STK39: variants seen among roughly 807,000 people sequenced by gnomAD.
STK39 encodes serine/threonine kinase 39, also known as STE20/SPS1-related proline-alanine-rich protein kinase.
STK39 carries 20 observed loss-of-function variants against 77.8 expected under a neutral mutation model. The ratio of observed to expected loss-of-function variants is 0.26; its 90% confidence interval spans 0.18 to 0.37. The LOEUF (loss-of-function observed/expected upper bound fraction) is 0.37, where lower values mean the gene tolerates loss of function less well. STK39 is among the 10% of genes least tolerant of loss of function. The pLI is 1.00. For synonymous variants in STK39, 246 were observed against 234.1 expected, an observed-to-expected ratio of 1.05 and a Z score of -0.47; for missense variants, 479 against 656.5, an observed-to-expected ratio of 0.73 and a Z score of 2.95.
chr2:168,225,995 G>T (rs1690295137), intron 1 of STK39, among the ~76,000 whole-genome samples: 2 of 152,188 alleles, frequency 1.3e-5, no homozygotes, highest in Admixed American at 6.5e-5. Flanking sequence ...CATAGTTGCG[G>T]CTAACAGGGA....
At chr2:168,221,335 T>A (rs1259655023) in intron 1 of STK39, among the ~76,000 whole-genome samples, 1 of 152,226 alleles carries the variant, frequency 6.6e-6, no homozygotes, top group Non-Finnish European at 1.5e-5. Flanking sequence ...ATTATGTTAA[T>A]ACATGCGTGT....
intron 16 of STK39, among the ~76,000 whole-genome samples, chr2:167,972,900 A>G (rs1036223722): frequency 2.0e-5 from 3 of 152,106 alleles, no homozygotes; most frequent in African/African-American, 7.2e-5. Context: ...TAGTATAAAA[A>G]CAAGACCCTT....
intron 1 of STK39, among the ~76,000 whole-genome samples, chr2:168,234,584 CTTACT>C (rs1205258774): frequency 2.0e-5 from 3 of 152,232 alleles, no homozygotes; most frequent in Middle Eastern, 6.8e-3. Flanking sequence ...GTTCCTCCAC[CTTACT>C]TTACAACACA....
chr2:167,983,206 G>A (rs1022959273), intron 16 of STK39, among the ~76,000 whole-genome samples: 1 of 152,128 alleles, frequency 6.6e-6, no homozygotes, highest in Admixed American at 6.5e-5. Context: ...TAGGCCAGGT[G>A]CGGTGGTTCG....
Position 168,075,091 on chromosome 2 carries a change from G to A in STK39, c.1212+18C>T, listed in dbSNP as rs201578966. 111 of 1,613,960 alleles carry A rather than the reference G, an allele frequency of 6.9e-5. No individual in the cohort carries two copies. Among genetic ancestry groups the A allele is most frequent in the African/African-American group, 6.3e-4 (47 of 74,890 alleles). On this transcript the variant is annotated intron_variant, in intron 11 of 17. Coordinates refer to ENST00000355999, the MANE Select transcript of STK39 (RefSeq NM_013233.3). ...TAAAATTTACACAGATTAGCTCATCGTCAACGATGTCATTTACCTTTTCCT... is the reference window on the plus strand; with the variant it reads ...TAAAATTTACACAGATTAGCTCATCATCAACGATGTCATTTACCTTTTCCT...
chr2:168,070,441 TTC>T (rs1272841192), intron 12 of STK39, among the ~76,000 whole-genome samples: 1 of 151,356 alleles, frequency 6.6e-6, no homozygotes, highest in Non-Finnish European at 1.5e-5. Context: ...ACTTCGATAT[TTC>T]TTTTTTTTTT....
At chr2:168,164,495 T>A (rs559669635) in intron 3 of STK39, among the ~76,000 whole-genome samples, 3 of 152,240 alleles carry the variant, frequency 2.0e-5, no homozygotes, top group Non-Finnish European at 4.4e-5. Context: ...CAGCCTCAAC[T>A]TCCCAGGCTC....
At chr2:168,119,207 G>T (rs1225494251) in intron 10 of STK39, among the ~76,000 whole-genome samples, 10 of 152,108 alleles carry the variant, frequency 6.6e-5, no homozygotes, top group Admixed American at 3.9e-4. Context: ...TGGATCACTG[G>T]GAGTATTTTA....
chr2:167,991,472 G>A (rs1372771183), intron 16 of STK39, among the ~76,000 whole-genome samples: 1 of 152,092 alleles, frequency 6.6e-6, no homozygotes, highest in Non-Finnish European at 1.5e-5. Context: ...TTGGGTTAAT[G>A]GGAATATTCA....
intron 1 of STK39, among the ~76,000 whole-genome samples, chr2:168,211,436 C>T (rs16855122): frequency 0.16 from 23,841 of 152,166 alleles, 1,954 homozygotes; most frequent in East Asian, 0.25. Flanking sequence ...AGGGTCATTT[C>T]TGTTCTAGAG....
chr2:167,973,811 A>T (rs1016098779), intron 16 of STK39, among the ~76,000 whole-genome samples: 1 of 152,230 alleles, frequency 6.6e-6, no homozygotes, highest in Non-Finnish European at 1.5e-5. Context: ...GCAAAAATTA[A>T]TCATGTAAAA....
At chr2:168,139,950 T>A (rs1157791421) in intron 7 of STK39, among the ~76,000 whole-genome samples, 2 of 152,152 alleles carry the variant, frequency 1.3e-5, no homozygotes, top group Non-Finnish European at 2.9e-5. Flanking sequence ...GACATCACTA[T>A]AATCTATTTT....
At chr2:168,110,960 T>C (rs1005791680) in intron 10 of STK39, among the ~76,000 whole-genome samples, 3 of 152,194 alleles carry the variant, frequency 2.0e-5, no homozygotes, top group African/African-American at 7.2e-5. Context: ...ATAAATTTTA[T>C]ACTTTTTCTG....
chr2:168,051,784 C>T (rs145820671), intron 14 of STK39, among the ~76,000 whole-genome samples: 289 of 152,186 alleles, frequency 1.9e-3, no homozygotes, highest in African/African-American at 6.7e-3. Context: ...TTGATATTGG[C>T]ATTTGACTCC....
intron 16 of STK39, among the ~76,000 whole-genome samples, chr2:167,978,302 A>G (rs994067564): frequency 6.6e-6 from 1 of 152,006 alleles, no homozygotes; most frequent in Non-Finnish European, 1.5e-5. Flanking sequence ...GGTGCGGGGG[A>G]GAGGGCTTTA....
chr2:168,223,848 G>C (rs368129614), intron 1 of STK39, among the ~76,000 whole-genome samples: 11 of 152,042 alleles, frequency 7.2e-5, no homozygotes, highest in African/African-American at 2.7e-4. Context: ...TTATCTGGTC[G>C]ACTTGAATTG....
intron 1 of STK39, among the ~76,000 whole-genome samples, chr2:168,208,648 G>A (rs947510123): frequency 6.6e-6 from 1 of 152,148 alleles, no homozygotes; most frequent in African/African-American, 2.4e-5. Context: ...GACATTACTA[G>A]GGCTTACAAA....
At chr2:168,135,906 C>T (rs1218942777) in intron 8 of STK39, among the ~76,000 whole-genome samples, 1 of 150,810 alleles carries the variant, frequency 6.6e-6, no homozygotes, top group East Asian at 1.9e-4. Context: ...CTTTGTACAT[C>T]AACAGTGTTT....
chr2:168,073,244 C>A (rs1456711946), intron 12 of STK39, among the ~76,000 whole-genome samples: 1 of 152,190 alleles, frequency 6.6e-6, no homozygotes, highest in Non-Finnish European at 1.5e-5. Flanking sequence ...TCAACAAGCA[C>A]ACAGTAAGAG....
Sources: gnomAD v4.1 joint callset for allele counts (sites outside exome capture counted in the v4.1 genomes callset) on GRCh38, gnomAD v4.1.1 for gene constraint, MANE v1.5 for transcripts, NCBI Gene and HGNC (gene_info 2026-07-23, HGNC 2026-07-21) for gene names.